PIK3CB: variants seen among roughly 807,000 people sequenced by gnomAD.
PIK3CB encodes phosphatidylinositol 4,5-bisphosphate 3-kinase catalytic subunit beta isoform.
A neutral mutation model predicts 136.8 loss-of-function variants in PIK3CB; 39 were observed. That is an observed-to-expected ratio of 0.29 (90% confidence interval 0.22 to 0.37). The LOEUF is 0.37. Ranked by LOEUF, PIK3CB falls within the 10% of genes least tolerant of loss-of-function variation. The pLI is 1.00. For missense variants in PIK3CB, 868 were observed against 1,275.4 expected, an observed-to-expected ratio of 0.68 and a Z score of 4.87; for synonymous variants, 428 against 436.6, an observed-to-expected ratio of 0.98 and a Z score of 0.25.
At chr3:138,699,414 A>G (rs2044202675) in intron 12 of PIK3CB, among the ~76,000 whole-genome samples, 1 of 152,084 alleles carries the variant, frequency 6.6e-6, no homozygotes, top group Admixed American at 6.5e-5. Flanking sequence ...TGGGAGGCCA[A>G]TGTGGGTGGG....
At chr3:138,766,702 C>A (rs2045736625) in intron 2 of PIK3CB, among the ~76,000 whole-genome samples, 1 of 152,212 alleles carries the variant, frequency 6.6e-6, no homozygotes, top group Non-Finnish European at 1.5e-5. Context: ...AAAACCCTCA[C>A]ATTCAAAGTA....
intron 2 of PIK3CB, among the ~76,000 whole-genome samples, chr3:138,787,826 G>A (rs777270481): frequency 2.0e-5 from 3 of 151,386 alleles, no homozygotes; most frequent in African/African-American, 4.9e-5. Flanking sequence ...ACATGGACAC[G>A]GTCCCTGAAG....
chr3:138,748,792 T>C (rs1221005508), intron 4 of PIK3CB, among the ~76,000 whole-genome samples: 1 of 152,214 alleles, frequency 6.6e-6, no homozygotes, highest in Non-Finnish European at 1.5e-5. Context: ...ATACTTGAGA[T>C]GACTCTATTG....
intron 1 of PIK3CB, among the ~76,000 whole-genome samples, chr3:138,826,546 A>T (rs568954987): frequency 8.9e-6 from 1 of 112,184 alleles, no homozygotes; most frequent in African/African-American, 3.4e-5. Context: ...TTAAATTATT[A>T]ACTTTTAAAA....
rs1221734868 is a variant in PIK3CB at position 138,834,824 on chromosome 3, C to A, written c.-251G>T. The stretch of plus-strand genomic sequence containing the variant: ...TCGATCACCTCCCGCCTGCCCCGCG[C>A]AGCACTACACTCGCCCCCTCCCCAC... On this transcript the variant is annotated 5_prime_UTR_variant, in exon 1 of 24. Coordinates refer to ENST00000674063, the MANE Select transcript of PIK3CB (RefSeq NM_006219.3). 6.6e-6 allele frequency: 1 copy of A among 152,132 alleles called. No homozygotes were observed. Among genetic ancestry groups the A allele is most frequent in the Admixed American group, 6.6e-5 (1 of 15,196 alleles). 9.4% of individuals were successfully genotyped at this position (152,132 alleles called of 1,614,324 possible).
chr3:138,815,795 T>C lies in PIK3CB; in HGVS notation c.-122+18900A>G, dbSNP rs114344703. ...TTTATCTAAGAGACTTGAGCACCCA[T>C]GGATTTTGACATCCACAGGGAATCC... is the stretch of plus-strand genomic sequence containing the variant. On this transcript the variant is annotated intron_variant, in intron 1 of 23. Transcript: ENST00000674063. Among the ~76,000 whole-genome samples the C allele has an allele frequency of 5.4e-3, 818 of 152,312 alleles. 2 individuals are homozygous for C. The highest frequency in any genetic ancestry group is 0.019 in the African/African-American group (774 of 41,572).
At chr3:138,784,664 C>T (rs992300357) in intron 2 of PIK3CB, among the ~76,000 whole-genome samples, 2 of 152,296 alleles carry the variant, frequency 1.3e-5, no homozygotes, top group East Asian at 1.9e-4. Context: ...CTCCTGACCG[C>T]GAGTGATCTG....
At chr3:138,734,253 A>C (rs1489345600) in intron 7 of PIK3CB, among the ~76,000 whole-genome samples, 1 of 152,182 alleles carries the variant, frequency 6.6e-6, no homozygotes, top group Non-Finnish European at 1.5e-5. Flanking sequence ...TATACCAAAA[A>C]TACTACCATA....
chr3:138,822,530 C>T (rs2108904857), intron 1 of PIK3CB, among the ~76,000 whole-genome samples: 1 of 151,410 alleles, frequency 6.6e-6, no homozygotes, highest in Non-Finnish European at 1.5e-5. Context: ...AGTGAGACCC[C>T]GTCTCAAAAA....
chr3:138,812,598 G>C (rs1933123028), intron 1 of PIK3CB, among the ~76,000 whole-genome samples: 2 of 150,758 alleles, frequency 1.3e-5, no homozygotes, highest in Non-Finnish European at 2.9e-5. Flanking sequence ...TATGACCTCA[G>C]CTGACTGCAA....
At chr3:138,745,525 T>TG (rs1261689417) in intron 4 of PIK3CB, among the ~76,000 whole-genome samples, 1 of 151,826 alleles carries the variant, frequency 6.6e-6, no homozygotes, top group East Asian at 1.9e-4. Flanking sequence ...CTCAGCTACT[T>TG]GGGGGGCTGA....
chr3:138,655,271 GAGTTC>G lies in PIK3CB; in HGVS notation c.*113_*117del. The stretch of plus-strand genomic sequence containing the variant: ...GATGCCTTGTTCTTAATTTAACTCT[GAGTTC>G]CAGGATTTCATTCCCTTTATAACAT... On this transcript the variant is annotated 3_prime_UTR_variant, in exon 24 of 24. Coordinates refer to ENST00000674063, the MANE Select transcript of PIK3CB (RefSeq NM_006219.3). 1 of 988,210 alleles carries G rather than the reference GAGTTC, an allele frequency of 1.0e-6. No homozygotes were observed. The allele number at this position is 988,210 out of a possible 1,614,324, so 61.2% of individuals were successfully genotyped here.
chr3:138,664,713 CACTT>C (rs1402728186), intron 20 of PIK3CB, among the ~76,000 whole-genome samples: 1 of 152,196 alleles, frequency 6.6e-6, no homozygotes, highest in African/African-American at 2.4e-5. Flanking sequence ...ATTAAAAACT[CACTT>C]AAGTTCATAT....
At chr3:138,751,389 T>G (rs888795752) in intron 4 of PIK3CB, among the ~76,000 whole-genome samples, 2 of 149,858 alleles carry the variant, frequency 1.3e-5, no homozygotes, top group Non-Finnish European at 3.0e-5. Context: ...ACCCAGGAGG[T>G]GAAGCTTGCA....
intron 3 of PIK3CB, among the ~76,000 whole-genome samples, chr3:138,758,706 T>G (rs1047852797): frequency 2.0e-5 from 3 of 152,178 alleles, no homozygotes; most frequent in African/African-American, 7.2e-5. Context: ...TGAAAAACAT[T>G]AGAAAGAAAG....
intron 2 of PIK3CB, among the ~76,000 whole-genome samples, chr3:138,775,782 T>A (rs2045851011): frequency 6.6e-6 from 1 of 152,248 alleles, no homozygotes; most frequent in South Asian, 2.1e-4. Context: ...AATCTTTATC[T>A]GTTATGCATT....
chr3:138,780,668 T>C (rs537134661), intron 2 of PIK3CB, among the ~76,000 whole-genome samples: 1 of 152,100 alleles, frequency 6.6e-6, no homozygotes, highest in East Asian at 1.9e-4. Flanking sequence ...TCTTTTTTCT[T>C]TTTTTCTCTG....
intron 1 of PIK3CB, among the ~76,000 whole-genome samples, chr3:138,802,158 G>A (rs1244773105): frequency 6.6e-6 from 1 of 151,486 alleles, no homozygotes; most frequent in East Asian, 1.9e-4. Flanking sequence ...TGGATCACTC[G>A]AGGTCAGGAG....
intron 19 of PIK3CB, among the ~76,000 whole-genome samples, chr3:138,668,209 A>G (rs1468178978): frequency 6.6e-6 from 1 of 152,208 alleles, no homozygotes; most frequent in Non-Finnish European, 1.5e-5. Flanking sequence ...TATTCTTATC[A>G]TGACATAACA....
Sources: gnomAD v4.1 joint callset for allele counts (sites outside exome capture counted in the v4.1 genomes callset) on GRCh38, gnomAD v4.1.1 for gene constraint, MANE v1.5 for transcripts, NCBI Gene and HGNC (gene_info 2026-07-23, HGNC 2026-07-21) for gene names.